Variants in SLC14A2 observed in about 807,000 individuals in gnomAD.
SLC14A2 encodes urea transporter 2.
SLC14A2 carries 91 observed loss-of-function variants against 104.6 expected under a neutral mutation model. The ratio of observed to expected loss-of-function variants is 0.87; its 90% CI spans 0.73 to 1.04. The LOEUF is 1.04. SLC14A2 is among the 50% of genes least tolerant of loss of function. SLC14A2 has a pLI of 0.00. For missense variants in SLC14A2, 1,189 were observed against 1,156.0 expected (o/e 1.03, Z -0.41); for synonymous variants, 476 against 466.4 (o/e 1.02, Z -0.27).
intron 2 of SLC14A2, among the ~76,000 whole-genome samples, chr18:45,542,052 T>G (rs1348670341): frequency 0.019 from 2,482 of 130,524 alleles, 49 homozygotes; most frequent in Admixed American, 0.035. Context: ...TTTTTTTTTT[T>G]TTTTTTTTTT....
At chr18:45,525,748 C>T (rs2043586860) in intron 2 of SLC14A2, among the ~76,000 whole-genome samples, 1 of 152,090 alleles carries the variant, frequency 6.6e-6, no homozygotes, top group Admixed American at 6.5e-5. Context: ...TGTTTGTGTC[C>T]ATATGAACTG....
chr18:45,585,769 C>G (rs2044558175), intron 2 of SLC14A2, among the ~76,000 whole-genome samples: 1 of 152,188 alleles, frequency 6.6e-6, no homozygotes, highest in Non-Finnish European at 1.5e-5. Context: ...CCAGTACCCA[C>G]CTGCCCCCTT....
At chr18:45,590,145 G>A (rs548121248) in intron 2 of SLC14A2, among the ~76,000 whole-genome samples, 1 of 152,310 alleles carries the variant, frequency 6.6e-6, no homozygotes, top group South Asian at 2.1e-4. Context: ...GAGGCCAAAG[G>A]CAGAGAGAGA....
intron 1 of SLC14A2, among the ~76,000 whole-genome samples, chr18:45,449,568 A>G (rs757396613): frequency 2.6e-5 from 4 of 152,128 alleles, no homozygotes; most frequent in Non-Finnish European, 5.9e-5. Context: ...GAAAGGGAAA[A>G]TCAGACCTCA....
At chr18:45,661,546 G>A (rs1004112834) in intron 10 of SLC14A2, among the ~76,000 whole-genome samples, 3 of 152,218 alleles carry the variant, frequency 2.0e-5, no homozygotes, top group African/African-American at 7.2e-5. Context: ...TTAATGAACT[G>A]TATGATTTGG....
intron 1 of SLC14A2, among the ~76,000 whole-genome samples, chr18:45,366,198 C>T (rs978962999): frequency 5.3e-5 from 8 of 152,246 alleles, no homozygotes; most frequent in African/African-American, 1.2e-4. Flanking sequence ...ACTTCCTCAG[C>T]GGAATCCTCT....
chr18:45,634,607 A>G (rs2045390641), intron 5 of SLC14A2, among the ~76,000 whole-genome samples: 1 of 152,222 alleles, frequency 6.6e-6, no homozygotes, highest in African/African-American at 2.4e-5. Context: ...TATTCTAAGA[A>G]GAGAGACAAG....
intron 1 of SLC14A2, among the ~76,000 whole-genome samples, chr18:45,390,779 C>A (rs540756183): frequency 1.4e-4 from 21 of 152,156 alleles, no homozygotes; most frequent in Non-Finnish European, 2.8e-4. Flanking sequence ...CACCTTTCAC[C>A]CAGATCGTAT....
intron 2 of SLC14A2, among the ~76,000 whole-genome samples, chr18:45,590,644 G>T (rs1273348380): frequency 6.6e-6 from 1 of 152,140 alleles, no homozygotes; most frequent in Non-Finnish European, 1.5e-5. Flanking sequence ...GGAATGTAAG[G>T]GCAGACAGGA....
intron 2 of SLC14A2, among the ~76,000 whole-genome samples, chr18:45,576,787 G>A (rs1292783550): frequency 6.6e-6 from 1 of 152,186 alleles, no homozygotes; most frequent in East Asian, 1.9e-4. Flanking sequence ...GCCATTGCAA[G>A]GACAGTTTGT....
Position 45,584,372 on chromosome 18 carries a change from G to A in SLC14A2, c.-34-40259G>A, listed in dbSNP as rs1454944129. On this transcript the variant is annotated intron_variant, in intron 2 of 20. Transcript: ENST00000586448. ...TATGCCTGCTCCATCAGGATCCTACGCCACATGCCCACACTTACTAATTAC... is the reference window on the plus strand; with the variant it reads ...TATGCCTGCTCCATCAGGATCCTACACCACATGCCCACACTTACTAATTAC... 3.9e-5 allele frequency among the ~76,000 whole-genome samples: 6 copies of A among 152,224 alleles called. No individual in the cohort carries two copies. The South Asian group carries it at 6.2e-4, about 16-fold the overall frequency.
At position 45,414,750 on chromosome 18, in the gene SLC14A2, A is replaced by AT. The variant is rs1454613429; in HGVS notation, c.-124-68483_-124-68482insT. 1.1e-3 allele frequency among the ~76,000 whole-genome samples: 85 copies of AT among 79,080 alleles called. 2 individuals carry two copies. Among genetic ancestry groups the AT allele is most frequent in the African/African-American group, 5.1e-3 (80 of 15,768 alleles). The allele number at this position is 79,080 out of a possible 152,430, so 51.9% of individuals were successfully genotyped here. On this transcript the variant is annotated intron_variant, in intron 1 of 20. Transcript: ENST00000586448. ...CGGTGCAAGGCACCGAGCGTAAAAA[A>AT]AAAAAAAATATATATATATATATAT...
At chr18:45,527,017 G>A (rs889681342) in intron 2 of SLC14A2, among the ~76,000 whole-genome samples, 3 of 152,218 alleles carry the variant, frequency 2.0e-5, no homozygotes, top group Non-Finnish European at 2.9e-5. Flanking sequence ...GATCTTAGAT[G>A]TAATCTACCA....
intron 1 of SLC14A2, among the ~76,000 whole-genome samples, chr18:45,464,124 A>G (rs186451740): frequency 8.5e-5 from 13 of 152,298 alleles, no homozygotes; most frequent in Non-Finnish European, 1.8e-4. Flanking sequence ...AAAGGATAAT[A>G]ATTCCACCAT....
At chr18:45,215,192 C>T (rs1195600135) in intron 1 of SLC14A2, among the ~76,000 whole-genome samples, 1 of 152,118 alleles carries the variant, frequency 6.6e-6, no homozygotes, top group Non-Finnish European at 1.5e-5. Context: ...CTAAAATTGC[C>T]TTATACATTA....
intron 1 of SLC14A2, among the ~76,000 whole-genome samples, chr18:45,263,008 G>A (rs2084555259): frequency 6.6e-6 from 1 of 152,182 alleles, no homozygotes; most frequent in Non-Finnish European, 1.5e-5. Context: ...AGAGATTAAT[G>A]TTGGTACAAT....
intron 2 of SLC14A2, among the ~76,000 whole-genome samples, chr18:45,504,872 C>T (rs1045966333): frequency 2.6e-5 from 4 of 151,960 alleles, no homozygotes; most frequent in Non-Finnish European, 5.9e-5. Flanking sequence ...ATTATAATAG[C>T]GATGATAATA....
At chr18:45,487,293 G>A (rs2087624896) in intron 2 of SLC14A2, among the ~76,000 whole-genome samples, 1 of 152,164 alleles carries the variant, frequency 6.6e-6, no homozygotes, top group Admixed American at 6.5e-5. Context: ...TCCATCTCTG[G>A]CCACAGCCAA....
At chr18:45,434,465 G>A (rs922338069) in intron 1 of SLC14A2, among the ~76,000 whole-genome samples, 2 of 112,104 alleles carry the variant, frequency 1.8e-5, no homozygotes, top group South Asian at 2.7e-4. Context: ...AAATTTTGCA[G>A]AGCTTTGTTG....
Sources: allele counts gnomAD v4.1 joint callset (sites outside exome capture counted in the v4.1 genomes callset), GRCh38; gene constraint gnomAD v4.1.1; transcripts MANE v1.5; gene names NCBI Gene and HGNC (gene_info 2026-07-23, HGNC 2026-07-21).